The following CADM2 variants were observed in gnomAD, a reference collection of about 807,000 sequenced individuals.
CADM2 encodes cell adhesion molecule 2.
Under a neutral mutation model 49.8 loss-of-function variants are expected in CADM2, and 12 were observed. The observed-to-expected ratio is 0.24, with a 90% CI of 0.15 to 0.39. The LOEUF (loss-of-function observed/expected upper bound fraction) is 0.39, where lower values mean the gene tolerates loss of function less well. CADM2 is among the 10% of genes least tolerant of loss of function. CADM2 has a pLI of 1.00. For synonymous variants in CADM2, 214 were observed against 175.4 expected, an observed-to-expected ratio of 1.22 and a Z score of -1.74; for missense variants, 378 against 492.3, an observed-to-expected ratio of 0.77 and a Z score of 2.20.
chr3:85,069,795 C>T lies in CADM2; in HGVS notation c.61+110127C>T, dbSNP rs139725387. Among the ~76,000 whole-genome samples, 767 of 152,154 alleles carry T rather than the reference C, an allele frequency of 5.0e-3. 2 individuals are homozygous for T. Among genetic ancestry groups the T allele is most frequent in the Middle Eastern group, 0.014 (4 of 294 alleles). ...CGTACCATTTTTCTTAATGTCTAGA[C>T]GTCATACAAATATTACCACTGTCTT... On this transcript the variant is annotated intron_variant, in intron 1 of 9. Coordinates refer to ENST00000383699, the MANE Select transcript of CADM2 (RefSeq NM_001167675.2).
intron 1 of CADM2, among the ~76,000 whole-genome samples, chr3:85,225,710 C>T (rs2042142976): frequency 6.6e-6 from 1 of 152,076 alleles, no homozygotes; most frequent in Non-Finnish European, 1.5e-5. Flanking sequence ...CAGTTTTTGC[C>T]CATTCAGTAT....
chr3:85,359,666 A>ATTTTT (rs869151718), intron 1 of CADM2, among the ~76,000 whole-genome samples: 298 of 26,448 alleles, frequency 0.011, 22 homozygotes, highest in Non-Finnish European at 0.015. Context: ...ATATATATAT[A>ATTTTT]TTTTTTTTTT....
intron 7 of CADM2, among the ~76,000 whole-genome samples, chr3:85,954,014 TA>T (rs1723756381): frequency 6.6e-6 from 1 of 150,992 alleles, no homozygotes; most frequent in Non-Finnish European, 1.5e-5. Flanking sequence ...ATGTTTCATT[TA>T]TTATATTTTA....
chr3:85,593,026 T>G (rs1233111112), intron 1 of CADM2, among the ~76,000 whole-genome samples: 3 of 152,014 alleles, frequency 2.0e-5, no homozygotes, highest in Admixed American at 6.6e-5. Context: ...TCTGCCTAAG[T>G]GCTTTCCCAG....
chr3:85,050,179 G>T (rs1216948403), intron 1 of CADM2, among the ~76,000 whole-genome samples: 4 of 151,930 alleles, frequency 2.6e-5, no homozygotes, highest in South Asian at 2.1e-4. Flanking sequence ...GAAGCCACTG[G>T]TCTCCAATAA....
intron 1 of CADM2, among the ~76,000 whole-genome samples, chr3:85,550,514 T>C (rs2061775879): frequency 6.6e-6 from 1 of 152,166 alleles, no homozygotes; most frequent in African/African-American, 2.4e-5. Context: ...CAACAATTCC[T>C]CTGGGTGAGT....
chr3:86,066,186 C>A (rs1337159184), intron 9 of CADM2, among the ~76,000 whole-genome samples: 1 of 151,670 alleles, frequency 6.6e-6, no homozygotes, highest in Non-Finnish European at 1.5e-5. Context: ...TTTGACATGA[C>A]CGTTTTTAAG....
At chr3:85,583,808 A>C (rs1016455112) in intron 1 of CADM2, among the ~76,000 whole-genome samples, 9 of 152,020 alleles carry the variant, frequency 5.9e-5, no homozygotes, top group Non-Finnish European at 1.3e-4. Context: ...GCATGAAATT[A>C]CATTTTTTTA....
chr3:85,398,790 T>C (rs2034932094), intron 1 of CADM2, among the ~76,000 whole-genome samples: 1 of 152,240 alleles, frequency 6.6e-6, no homozygotes, highest in Admixed American at 6.5e-5. Context: ...GTCTGTTGGC[T>C]GCATAAATGT....
chr3:85,291,884 C>A (rs866516825), intron 1 of CADM2, among the ~76,000 whole-genome samples: 1 of 150,338 alleles, frequency 6.7e-6, no homozygotes, highest in East Asian at 1.9e-4. Context: ...CATCAACTAA[C>A]GAGCAAAATA....
At chr3:85,048,429 T>G (rs2035750085) in intron 1 of CADM2, among the ~76,000 whole-genome samples, 1 of 151,232 alleles carries the variant, frequency 6.6e-6, no homozygotes, top group South Asian at 2.1e-4. Flanking sequence ...TGGTGAGGAG[T>G]TTGGATGCTA....
intron 1 of CADM2, among the ~76,000 whole-genome samples, chr3:85,031,101 C>A (rs189628984): frequency 1.3e-5 from 2 of 152,248 alleles, no homozygotes; most frequent in East Asian, 3.9e-4. Flanking sequence ...CTGGAAAGGA[C>A]GGCCTGACAG....
intron 7 of CADM2, among the ~76,000 whole-genome samples, chr3:85,946,004 C>A (rs920311953): frequency 2.0e-5 from 3 of 151,888 alleles, no homozygotes; most frequent in Non-Finnish European, 2.9e-5. Context: ...TGTTTGCAGA[C>A]GACATGATTG....
chr3:85,406,415 C>G (rs980011750), intron 1 of CADM2, among the ~76,000 whole-genome samples: 1 of 152,036 alleles, frequency 6.6e-6, no homozygotes, highest in African/African-American at 2.4e-5. Context: ...TTACTTAATG[C>G]AACAATAAAT....
At chr3:85,562,893 T>G (rs1455682610) in intron 1 of CADM2, among the ~76,000 whole-genome samples, 1 of 152,148 alleles carries the variant, frequency 6.6e-6, no homozygotes, top group Non-Finnish European at 1.5e-5. Context: ...ACCTAATTTA[T>G]GAGTTAATAG....
intron 1 of CADM2, among the ~76,000 whole-genome samples, chr3:85,271,489 A>G (rs1032059304): frequency 6.6e-6 from 1 of 151,232 alleles, no homozygotes; most frequent in African/African-American, 2.4e-5. Context: ...GCGTTTCCCA[A>G]ATCCTCCAAC....
chr3:85,004,054 G>C lies in CADM2; in HGVS notation c.61+44386G>C, dbSNP rs145271505. Among the ~76,000 whole-genome samples the C allele has an allele frequency of 6.1e-3, 933 of 152,218 alleles. 16 individuals are homozygous for C. Among genetic ancestry groups the C allele is most frequent in the African/African-American group, 0.021 (893 of 41,564 alleles). ...AAACTTTTTAAGAGGCTGTTGAGCT[G>C]CCAGTTTTTCTTCCACAAAATTGTG... On this transcript the variant is annotated intron_variant, in intron 1 of 9. Transcript: ENST00000383699.
intron 1 of CADM2, among the ~76,000 whole-genome samples, chr3:85,634,633 C>T (rs558504794): frequency 8.6e-5 from 13 of 151,940 alleles, no homozygotes; most frequent in African/African-American, 3.1e-4. Flanking sequence ...AAAATAATTA[C>T]AATATGGGCC....
At chr3:85,576,075 ATTTC>A (rs1337123641) in intron 1 of CADM2, among the ~76,000 whole-genome samples, 1 of 152,182 alleles carries the variant, frequency 6.6e-6, no homozygotes, top group Admixed American at 6.5e-5. Context: ...ATGATTTTGC[ATTTC>A]TATATAGTGA....
Sources: allele counts gnomAD v4.1 joint callset (sites outside exome capture counted in the v4.1 genomes callset), GRCh38; gene constraint gnomAD v4.1.1; transcripts MANE v1.5; gene names NCBI Gene and HGNC (gene_info 2026-07-23, HGNC 2026-07-21).